Variants in GANC observed in about 807,000 individuals in gnomAD.
GANC encodes the protein neutral alpha-glucosidase C.
Under a neutral mutation model 124.2 loss-of-function variants are expected in GANC, and 117 were observed. That is an observed-to-expected ratio of 0.94 (90% CI 0.81 to 1.10). The LOEUF is 1.10. Among genes scored for constraint, GANC ranks in the 50% least tolerant of loss-of-function variants. The probability of loss-of-function intolerance (pLI) is 0.00; values close to 1 mark genes in which losing one functional copy is unlikely to be tolerated. For missense variants in GANC, 1,140 were observed against 1,095.0 expected (o/e 1.04, Z -0.58); for synonymous variants, 377 against 376.8 (o/e 1.00, Z -0.01).
At chr15:42,285,261 A>G (rs1566949607) in intron 3 of GANC, among the ~76,000 whole-genome samples, 1 of 152,180 alleles carries the variant, frequency 6.6e-6, no homozygotes, top group Non-Finnish European at 1.5e-5. Context: ...ACAGAGCCCT[A>G]AGGTTTCGAC....
intron 3 of GANC, chr15:42,283,864 G>A (rs933226845): frequency 2.8e-6 from 2 of 702,482 alleles, no homozygotes; most frequent in Non-Finnish European, 5.2e-6. Context: ...AAGCACACCT[G>A]GACAGGCCAG....
chr15:42,325,106 A>G (rs1294093960), intron 11 of GANC, among the ~76,000 whole-genome samples: 1 of 151,442 alleles, frequency 6.6e-6, no homozygotes, highest in Non-Finnish European at 1.5e-5. Context: ...TCTATTAAAA[A>G]TACAAAAAAA....
intron 6 of GANC, among the ~76,000 whole-genome samples, chr15:42,305,830 A>G (rs534675535): frequency 7.3e-4 from 111 of 152,232 alleles, no homozygotes; most frequent in African/African-American, 2.5e-3. Flanking sequence ...ATTCTCAGCA[A>G]ACTAACACAG....
At chr15:42,324,323 A>G (rs568304627) in intron 11 of GANC, among the ~76,000 whole-genome samples, 1 of 152,312 alleles carries the variant, frequency 6.6e-6, no homozygotes, top group Admixed American at 6.5e-5. Context: ...ATCTTTGTGC[A>G]CCGTTGGTAG....
At chr15:42,331,151 T>C (rs2052242094) in intron 15 of GANC, among the ~76,000 whole-genome samples, 1 of 152,230 alleles carries the variant, frequency 6.6e-6, no homozygotes, top group African/African-American at 2.4e-5. Flanking sequence ...TAGACAGTGG[T>C]ATGCCCTAAA....
In GANC at chr15:42,330,622, A is replaced by C; in HGVS notation, c.1691A>C (p.Glu564Ala). Residue 564 changes from glutamate to alanine, a missense_variant, in exon 15 of 24, where the codon GAG (glutamate) becomes GCG (alanine). Physicochemically the swap from Glu to Ala is moderately radical, Grantham distance 107. Transcript: ENST00000318010. ...CTGATAAAACGATCTAAAGGGAAGGAGAGACCCTTTGTTCTTACACGTTCT... is the reference window on the plus strand; with the variant it reads ...CTGATAAAACGATCTAAAGGGAAGGCGAGACCCTTTGTTCTTACACGTTCT... ...EGLIKRSKGK[E>A]RPFVLTRSFF... The C allele has an allele frequency of 6.2e-7, 1 of 1,612,256 alleles. No individual in the cohort carries two copies. Among genetic ancestry groups the C allele is most frequent in the Non-Finnish European group, 8.5e-7 (1 of 1,179,494 alleles).
At chr15:42,306,268 A>G (rs1338234721) in intron 6 of GANC, among the ~76,000 whole-genome samples, 2 of 152,100 alleles carry the variant, frequency 1.3e-5, no homozygotes, top group Admixed American at 6.5e-5. Flanking sequence ...TGAACTTTAT[A>G]CTTGAAAATA....
chr15:42,307,901 T>C (rs1379402880), intron 7 of GANC, among the ~76,000 whole-genome samples: 1 of 152,126 alleles, frequency 6.6e-6, no homozygotes, highest in Admixed American at 6.6e-5. Flanking sequence ...AAATTTCGAT[T>C]AGGAAAAAAT....
chr15:42,276,134 A>C (rs765069358), intron 1 of GANC: 13 of 373,618 alleles, frequency 3.5e-5, no homozygotes, highest in Non-Finnish European at 4.9e-5. Context: ...CCAGAACCTG[A>C]TGTTTTGTTG....
At chr15:42,309,286 T>G (rs1197795603) in intron 8 of GANC, among the ~76,000 whole-genome samples, 4 of 151,620 alleles carry the variant, frequency 2.6e-5, no homozygotes. Flanking sequence ...TTCCCCATCT[T>G]CCCCTGCTAA....
At chr15:42,311,999 C>T (rs1296128159) in intron 10 of GANC, among the ~76,000 whole-genome samples, 8 of 152,120 alleles carry the variant, frequency 5.3e-5, no homozygotes, top group Admixed American at 1.3e-4. Context: ...ACACTGAAAA[C>T]TATAAAACAT....
In GANC at chr15:42,353,316, T is replaced by C; in HGVS notation, c.*1177T>C. ...GGCCACCTCTGTGCCTTCTGATCCC[T>C]GGGCGCCAATATCCTCCTGCCCTTA... On this transcript the variant is annotated 3_prime_UTR_variant, in exon 24 of 24. Coordinates refer to ENST00000318010, the MANE Select transcript of GANC (RefSeq NM_198141.3). 2.0e-6 allele frequency: 2 copies of C among 986,376 alleles called. No homozygotes were observed. Among genetic ancestry groups the C allele is most frequent in the Non-Finnish European group, 2.4e-6 (2 of 830,268 alleles). 61.1% of individuals were successfully genotyped at this position (986,376 alleles called of 1,614,324 possible). A position where few individuals can be genotyped will look rare whatever the true frequency, so the allele number is the denominator to read the frequency against.
intron 18 of GANC, among the ~76,000 whole-genome samples, chr15:42,342,383 A>G (rs111400994): frequency 1.8e-4 from 27 of 152,256 alleles, no homozygotes; most frequent in African/African-American, 4.3e-4. Context: ...GGAGTTTGAG[A>G]TTAGCCTGGG....
chr15:42,299,201 C>G (rs1221188954), intron 6 of GANC, among the ~76,000 whole-genome samples: 5 of 152,020 alleles, frequency 3.3e-5, no homozygotes, highest in Non-Finnish European at 7.4e-5. Context: ...GCTGTGGGTT[C>G]GTCATAAGTA....
intron 10 of GANC, among the ~76,000 whole-genome samples, chr15:42,312,446 G>C (rs1261106819): frequency 6.6e-6 from 1 of 152,170 alleles, no homozygotes; most frequent in African/African-American, 2.4e-5. Context: ...TTTGCCTGCT[G>C]CTATTCACAG....
chr15:42,352,103 C>A lies in GANC; in HGVS notation c.2709C>A (p.Leu903=). ...TCCTGAGCCTGGAGAAGCTCTCACTCAACATTGCCACTGACTGGGAGGTCC... is the reference window on the plus strand; with the variant it reads ...TCCTGAGCCTGGAGAAGCTCTCACTAAACATTGCCACTGACTGGGAGGTCC... ...TSILSLEKLS[L]NIATDWEVRI... is the part of the protein sequence containing the mutation. The change falls in exon 24 of 24, where the codon CTC becomes CTA. Residue 903 remains leucine, a synonymous_variant. Coordinates refer to ENST00000318010, the MANE Select transcript of GANC (RefSeq NM_198141.3). 1 of 1,614,196 alleles carries A rather than the reference C, an allele frequency of 6.2e-7. No homozygotes were observed. The highest frequency in any genetic ancestry group is 1.1e-5 in the South Asian group (1 of 91,080).
chr15:42,330,478 C>T (rs1300044028), intron 14 of GANC, 98 bp from the exon 15 acceptor site: 1 of 753,752 alleles, frequency 1.3e-6, no homozygotes, highest in Non-Finnish European at 2.3e-6. Context: ...ATTTCATGCT[C>T]CTGCCTACTG....
chr15:42,277,516 G>A (rs1344766061), intron 2 of GANC, among the ~76,000 whole-genome samples: 6 of 150,670 alleles, frequency 4.0e-5, no homozygotes, highest in African/African-American at 9.8e-5. Flanking sequence ...GGCAACAAGA[G>A]TGAAACTCCG....
intron 12 of GANC, among the ~76,000 whole-genome samples, chr15:42,326,907 C>A (rs1482024993): frequency 6.6e-6 from 1 of 152,160 alleles, no homozygotes; most frequent in Non-Finnish European, 1.5e-5. Context: ...GGTAGAAACT[C>A]CCCAAGGACA....
Sources: gnomAD v4.1 joint callset for allele counts (sites outside exome capture counted in the v4.1 genomes callset) on GRCh38, gnomAD v4.1.1 for gene constraint, MANE v1.5 for transcripts, NCBI Gene and HGNC (gene_info 2026-07-23, HGNC 2026-07-21) for gene names.